NDC1: variants seen among roughly 807,000 people sequenced by gnomAD.
The protein encoded by NDC1 is NDC1 transmembrane nucleoporin, also known as nucleoporin NDC1.
A neutral mutation model predicts 89.8 loss-of-function variants in NDC1; 24 were observed. The ratio of observed to expected loss-of-function variants is 0.27; its 90% CI spans 0.19 to 0.38. The LOEUF is 0.38. Ranked by LOEUF, NDC1 falls within the 10% of genes least tolerant of loss-of-function variation. NDC1 has a pLI of 1.00. For missense variants in NDC1, 728 were observed against 797.6 expected (o/e 0.91, Z 1.05); for synonymous variants, 296 against 284.8 (o/e 1.04, Z -0.39).
rs542128217 is a variant in NDC1 at position 53,807,776 on chromosome 1, T to C, written c.771A>G (p.Pro257=). The C allele has an allele frequency of 2.9e-4, 468 of 1,608,580 alleles. 1 individual carries two copies. In the Middle Eastern group the frequency reaches 4.3e-3, roughly 15 times the overall value. ...TTAAGAGGCCACTCACTGTGTCAAG[T>C]GGCCTATGAACCTGCCTGTGAATGC... The part of the protein sequence containing the change: ...NLHIDEQVHR[P]LDTVSGLLNL... Residue 257 remains proline, a synonymous_variant, in exon 8 of 18, where the codon CCA becomes CCG. Coordinates refer to ENST00000371429, the MANE Select transcript of NDC1 (RefSeq NM_018087.5).
intron 1 of NDC1, 76 bp from the exon 2 acceptor site, chr1:53,835,696 A>T: frequency 1.5e-6 from 2 of 1,323,666 alleles, no homozygotes; most frequent in Non-Finnish European, 2.1e-6. Context: ...ATCTTTTCAT[A>T]CAGGATGTTA....
In NDC1 at chr1:53,767,323, T is replaced by C. The variant is rs1345762856; in HGVS notation, c.*647A>G. 2 of 152,216 alleles carry C rather than the reference T, an allele frequency of 1.3e-5. No homozygotes were observed. Among genetic ancestry groups the C allele is most frequent in the African/African-American group, 2.4e-5 (1 of 41,464 alleles). 9.4% of individuals were successfully genotyped at this position (152,216 alleles called of 1,614,324 possible). A position where few individuals can be genotyped will look rare whatever the true frequency, so the allele number is the denominator to read the frequency against. On this transcript the variant is annotated 3_prime_UTR_variant, in exon 18 of 18. Transcript: ENST00000371429. ...AAAGACCAAATGTGAATTTTTAATC[T>C]TGTAACTTAAGAACTGAGTTTTTCC...
intron 5 of NDC1, among the ~76,000 whole-genome samples, chr1:53,821,619 T>C (rs537420016): frequency 2.6e-5 from 4 of 152,296 alleles, no homozygotes; most frequent in South Asian, 4.1e-4. Flanking sequence ...AACGCCATAG[T>C]TCCTATGCTA....
At position 53,766,927 on chromosome 1, in the gene NDC1, A is replaced by G. The variant is rs1025441436; in HGVS notation, c.*1043T>C. 1 of 152,214 alleles carries G rather than the reference A, an allele frequency of 6.6e-6. No homozygotes were observed. The highest frequency in any genetic ancestry group is 6.5e-5 in the Admixed American group (1 of 15,278). The allele number at this position is 152,214 out of a possible 1,614,324, so 9.4% of individuals were successfully genotyped here. On this transcript the variant is annotated 3_prime_UTR_variant, in exon 18 of 18. Coordinates refer to ENST00000371429, the MANE Select transcript of NDC1 (RefSeq NM_018087.5). Reference sequence around the variant, plus strand: ...TACTTCGTTCACATTTGGGACACACAACATACTTCCAAGTACAGTAATCCC... The same window carrying G: ...TACTTCGTTCACATTTGGGACACACGACATACTTCCAAGTACAGTAATCCC...
intron 16 of NDC1, among the ~76,000 whole-genome samples, chr1:53,784,874 C>A (rs1647267151): frequency 6.6e-6 from 1 of 151,414 alleles, no homozygotes; most frequent in African/African-American, 2.4e-5. Context: ...AGGAGAATCA[C>A]TTGACACCAG....
In NDC1 at chr1:53,809,759, A is replaced by G. The variant is rs1373103301; in HGVS notation, c.704-13T>C. 2 of 1,609,220 alleles carry G rather than the reference A, an allele frequency of 1.2e-6. No individual in the cohort carries two copies. Among genetic ancestry groups the G allele is most frequent in the African/African-American group, 2.7e-5 (2 of 74,836 alleles). Reference sequence around the variant, plus strand: ...TTGGGAATATAGCCTGAAGGGAAAAAATACCAAGCTATGAACATAAAAAGT... The same window carrying G: ...TTGGGAATATAGCCTGAAGGGAAAAGATACCAAGCTATGAACATAAAAAGT... On this transcript the variant is annotated splice_polypyrimidine_tract_variant and intron_variant, in intron 6 of 17. Coordinates refer to ENST00000371429, the MANE Select transcript of NDC1 (RefSeq NM_018087.5).
intron 10 of NDC1, 37 bp downstream of exon 10, chr1:53,803,891 A>C: frequency 6.8e-7 from 1 of 1,480,482 alleles, no homozygotes; most frequent in Non-Finnish European, 9.4e-7. Flanking sequence ...CTTTCTACAC[A>C]CATATGCCTA....
At chr1:53,787,115 G>T in intron 16 of NDC1, 43 bp downstream of exon 16, 1 of 984,894 alleles carries the variant, frequency 1.0e-6, no homozygotes, top group Non-Finnish European at 1.6e-6. Context: ...TGGGTGGGAG[G>T]GGAAGATGAC....
intron 13 of NDC1, among the ~76,000 whole-genome samples, chr1:53,796,166 C>T (rs1173999741): frequency 6.6e-6 from 1 of 152,206 alleles, no homozygotes; most frequent in Admixed American, 6.5e-5. Context: ...CTTCCTTGCT[C>T]TGTTTTTCTA....
chr1:53,827,958 A>G, intron 4 of NDC1, 41 bp downstream of exon 4: 1 of 1,490,790 alleles, frequency 6.7e-7, no homozygotes, highest in Non-Finnish European at 9.1e-7. Flanking sequence ...TTGGCTTAGT[A>G]AGTAAATGAG....
intron 6 of NDC1, among the ~76,000 whole-genome samples, chr1:53,812,613 T>A (rs1181154): frequency 0.28 from 41,872 of 152,098 alleles, 7,449 homozygotes; most frequent in African/African-American, 0.51. Context: ...GATTATGTTA[T>A]ACGACCAAAC....
intron 9 of NDC1, among the ~76,000 whole-genome samples, chr1:53,804,472 C>A (rs964074964): frequency 6.6e-6 from 1 of 152,034 alleles, no homozygotes; most frequent in Non-Finnish European, 1.5e-5. Context: ...CACGTGATAC[C>A]TAATTTTTTT....
At chr1:53,771,018 G>C (rs1647108695) in intron 17 of NDC1, 1 of 152,602 alleles carries the variant, frequency 6.6e-6, no homozygotes, top group South Asian at 2.1e-4. Flanking sequence ...TCCCCCAGGG[G>C]AATGTTACAG....
Position 53,825,779 on chromosome 1 carries a change from A to G in NDC1, c.594+19T>C. On this transcript the variant is annotated intron_variant, in intron 5 of 17. Transcript: ENST00000371429. Reference sequence around the variant, plus strand: ...CCTCAGCCAAATTTTGACATCAAGTAATGCTCAAATGATCTTACCTGTATG... The same window carrying G: ...CCTCAGCCAAATTTTGACATCAAGTGATGCTCAAATGATCTTACCTGTATG... 3.9e-6 allele frequency: 6 copies of G among 1,557,398 alleles called. No homozygotes were observed. The highest frequency in any genetic ancestry group is 5.2e-6 in the Non-Finnish European group (6 of 1,159,274).
chr1:53,837,466 G>C (rs79600827), intron 1 of NDC1, among the ~76,000 whole-genome samples: 1 of 152,182 alleles, frequency 6.6e-6, no homozygotes, highest in Middle Eastern at 3.4e-3. Flanking sequence ...CCCGCTCCTC[G>C]GGAAGCTGAG....
At chr1:53,798,395 C>T (rs1267052094) in intron 11 of NDC1, among the ~76,000 whole-genome samples, 1 of 151,448 alleles carries the variant, frequency 6.6e-6, no homozygotes, top group East Asian at 1.9e-4. Flanking sequence ...TTTTGACCTC[C>T]TGACCTCATG....
chr1:53,785,673 A>G (rs1647284776), intron 16 of NDC1, among the ~76,000 whole-genome samples: 1 of 152,084 alleles, frequency 6.6e-6, no homozygotes, highest in Non-Finnish European at 1.5e-5. Flanking sequence ...CCCGGGTTCA[A>G]GCGGTTCTCC....
Position 53,772,661 on chromosome 1 carries a change from AATAACATAACATAACATAAC to A in NDC1, c.1801-192_1801-173del, listed in dbSNP as rs369123839. On this transcript the variant is annotated intron_variant, in intron 16 of 17. Coordinates refer to ENST00000371429, the MANE Select transcript of NDC1 (RefSeq NM_018087.5). ...CTGGGCGACAGAGATCCTGTCTCAA[AATAACATAACATAACATAAC>A]ATAACATAACATAACATAACATAAC... Among the ~76,000 whole-genome samples the A allele has an allele frequency of 3.3e-4, 46 of 137,846 alleles. No homozygotes were observed. The East Asian group carries it at 3.6e-3, about 11-fold the overall frequency. 90.4% of individuals were successfully genotyped at this position (137,846 alleles called of 152,430 possible).
chr1:53,804,097 G>A, intron 9 of NDC1, 88 bp from the exon 10 acceptor site: 1 of 898,376 alleles, frequency 1.1e-6, no homozygotes, highest in Non-Finnish European at 1.8e-6. Flanking sequence ...ATATATCCAA[G>A]AGGAAATTAA....
Sources: gnomAD v4.1 joint callset for allele counts (sites outside exome capture counted in the v4.1 genomes callset) on GRCh38, gnomAD v4.1.1 for gene constraint, MANE v1.5 for transcripts, NCBI Gene and HGNC (gene_info 2026-07-23, HGNC 2026-07-21) for gene names.